Variants in GLP2R observed in about 807,000 individuals in gnomAD.
GLP2R encodes glucagon like peptide 2 receptor.
Under a neutral mutation model 68.2 loss-of-function variants are expected in GLP2R, and 59 were observed. The ratio of observed to expected loss-of-function variants is 0.87; its 90% confidence interval spans 0.70 to 1.07. The LOEUF (loss-of-function observed/expected upper bound fraction) is 1.07. Ranked by LOEUF, GLP2R falls within the 50% of genes least tolerant of loss-of-function variation. The probability of loss-of-function intolerance (pLI) is 0.00; values close to 1 mark genes in which losing one functional copy is unlikely to be tolerated. For synonymous variants in GLP2R, 270 were observed against 265.4 expected, an observed-to-expected ratio of 1.02 and a Z score of -0.17; for missense variants, 548 against 677.4, an observed-to-expected ratio of 0.81 and a Z score of 2.12.
chr17:9,880,477 T>C lies in GLP2R; in HGVS notation c.1245T>C (p.Leu415=). 6.2e-7 allele frequency: 1 copy of C among 1,606,304 alleles called. No individual in the cohort carries two copies. Among genetic ancestry groups the C allele is most frequent in the Non-Finnish European group, 8.5e-7 (1 of 1,174,896 alleles). Reference sequence around the variant, plus strand: ...ATCAAGTTGAAGGATTTGCAAAACTTATACGACTTTTCATTCAGTTGACAC... The same window carrying C: ...ATCAAGTTGAAGGATTTGCAAAACTCATACGACTTTTCATTCAGTTGACAC... ...TDDQVEGFAK[L]IRLFIQLTLS... is the part of the protein sequence containing the mutation. Residue 415 remains leucine (L), a synonymous_variant, in exon 11 of 13, where the codon CTT becomes CTC. Transcript: ENST00000262441.
At chr17:9,833,203 G>A (rs1314536122) in intron 1 of GLP2R, among the ~76,000 whole-genome samples, 1 of 151,960 alleles carries the variant, frequency 6.6e-6, no homozygotes, top group Non-Finnish European at 1.5e-5. Flanking sequence ...GGCAGAGGTT[G>A]CAGTGAGTTG....
chr17:9,861,140 C>G lies in GLP2R; in HGVS notation c.927C>G (p.Ala309=), dbSNP rs757785531. 6.2e-7 allele frequency: 1 copy of G among 1,613,416 alleles called. No homozygotes were observed. The highest frequency in any genetic ancestry group is 8.5e-7 in the Non-Finnish European group (1 of 1,179,476). ...CATTTCCCTGTGTTTTCTCCCCAGC[C>G]TTCCCTGTGCTATTTGTTGTACCCT... The part of the protein sequence containing the change: ...LWPRYLLLGW[A]FPVLFVVPWG... Residue 309 remains alanine, a splice_region_variant and synonymous_variant, in exon 8 of 13, where the codon GCC becomes GCG. Coordinates refer to ENST00000262441, the MANE Select transcript of GLP2R (RefSeq NM_004246.3).
At chr17:9,856,487 C>A (rs2066934806) in intron 5 of GLP2R, among the ~76,000 whole-genome samples, 1 of 152,174 alleles carries the variant, frequency 6.6e-6, no homozygotes, top group South Asian at 2.1e-4. Context: ...GGGAGCACAG[C>A]TTTCCTCTGG....
rs1188507736 is a variant in GLP2R, at chr17:9,890,913, G to C, written c.*1208G>C. 2.6e-5 allele frequency: 4 copies of C among 152,290 alleles called. No individual in the cohort carries two copies. The highest frequency in any genetic ancestry group is 5.9e-5 in the Non-Finnish European group (4 of 68,120). 9.4% of individuals were successfully genotyped at this position (152,290 alleles called of 1,614,324 possible). Reference sequence around the variant, plus strand: ...AGGAGGGCCCAGGCAGTTGGGGTCAGGCTCAATGACTGAAAGTATAGGGCA... The same window carrying C: ...AGGAGGGCCCAGGCAGTTGGGGTCACGCTCAATGACTGAAAGTATAGGGCA... On this transcript the variant is annotated 3_prime_UTR_variant, in exon 13 of 13. Coordinates refer to ENST00000262441, the MANE Select transcript of GLP2R (RefSeq NM_004246.3).
rs779406646 is a variant in GLP2R at position 9,826,225 on chromosome 17, T to G, written c.162T>G (p.Thr54=). ...SLWAPGRPFL[T]LVLLVSIKQV... ...GGGCCCCTGGGAGGCCCTTCCTCAC[T>G]CTGGTCCTGCTGGTTTCCATCAAGC... The change falls in exon 1 of 13, where the codon ACT becomes ACG. Residue 54 remains threonine (T), a synonymous_variant. Transcript: ENST00000262441. 3.7e-5 allele frequency: 60 copies of G among 1,608,234 alleles called. No individual in the cohort carries two copies. The Admixed American group carries it at 1.0e-3, about 27-fold the overall frequency.
intron 4 of GLP2R, among the ~76,000 whole-genome samples, chr17:9,850,047 T>C (rs1020384761): frequency 6.6e-6 from 1 of 152,240 alleles, no homozygotes; most frequent in African/African-American, 2.4e-5. Flanking sequence ...GGTGCATATA[T>C]AATTTTGTTA....
At chr17:9,849,607 C>CTTTTTTTTTT (rs57795068) in intron 4 of GLP2R, among the ~76,000 whole-genome samples, 2 of 87,118 alleles carry the variant, frequency 2.3e-5, no homozygotes, top group African/African-American at 4.6e-5. Flanking sequence ...TTTTCTCTTT[C>CTTTTTTTTTT]TTTTTTTTTT....
At chr17:9,880,148 A>T (rs1469043968) in intron 10 of GLP2R, among the ~76,000 whole-genome samples, 8 of 152,218 alleles carry the variant, frequency 5.3e-5, no homozygotes, top group Admixed American at 2.6e-4. Context: ...TTATGCATTC[A>T]TTCATTCAAT....
At chr17:9,888,765 C>A (rs1166227126) in intron 12 of GLP2R, among the ~76,000 whole-genome samples, 1 of 152,044 alleles carries the variant, frequency 6.6e-6, no homozygotes, top group African/African-American at 2.4e-5. Flanking sequence ...TGAAGCCTGG[C>A]CTATTATTGC....
At chr17:9,884,087 CAGG>C (rs1411928108) in intron 11 of GLP2R, among the ~76,000 whole-genome samples, 9 of 151,898 alleles carry the variant, frequency 5.9e-5, no homozygotes, top group African/African-American at 2.2e-4. Context: ...AAGAATATCA[CAGG>C]AGAAGAATGA....
intron 10 of GLP2R, among the ~76,000 whole-genome samples, chr17:9,876,912 A>AT (rs1469578865): frequency 2.6e-5 from 4 of 152,150 alleles, no homozygotes; most frequent in South Asian, 2.1e-4. Context: ...GTCAGATACC[A>AT]TTTTTTCTGA....
chr17:9,859,636 A>ATATATAT (rs1555571773), intron 6 of GLP2R, among the ~76,000 whole-genome samples: 2 of 143,090 alleles, frequency 1.4e-5, no homozygotes, highest in Non-Finnish European at 3.0e-5. Context: ...ACTAAAAAAA[A>ATATATAT]ATATATATAT....
At chr17:9,874,822 A>G (rs956169905) in intron 10 of GLP2R, among the ~76,000 whole-genome samples, 81 of 152,210 alleles carry the variant, frequency 5.3e-4, no homozygotes, top group Non-Finnish European at 2.2e-4. Flanking sequence ...TGGTGATCAC[A>G]TCACAAAGCA....
rs753677091 is a variant in GLP2R at position 9,854,603 on chromosome 17, T to C, written c.611+2T>C. On this transcript the variant is annotated splice_donor_variant, in intron 5 of 12. Coordinates refer to ENST00000262441, the MANE Select transcript of GLP2R (RefSeq NM_004246.3). LOFTEE classifies it high-confidence loss of function. Reference sequence around the variant, plus strand: ...TCTCACCCTCCTCTTGTTTCTTCGGTGAGTAGAACTTCTGCAGGCATGTGT... The same window carrying C: ...TCTCACCCTCCTCTTGTTTCTTCGGCGAGTAGAACTTCTGCAGGCATGTGT... 6.6e-7 allele frequency: 1 copy of C among 1,516,650 alleles called. No individual in the cohort carries two copies. The highest frequency in any genetic ancestry group is 1.4e-5 in the African/African-American group (1 of 73,160). The allele number at this position is 1,516,650 out of a possible 1,614,324, so 93.9% of individuals were successfully genotyped here.
intron 10 of GLP2R, 35 bp downstream of exon 10, chr17:9,870,870 G>A (rs1392030646): frequency 1.0e-6 from 1 of 982,294 alleles, no homozygotes; most frequent in Non-Finnish European, 1.7e-6. Flanking sequence ...AGCAGTCCAA[G>A]GTTATTGTAA....
intron 11 of GLP2R, among the ~76,000 whole-genome samples, chr17:9,883,463 T>A (rs1241393506): frequency 1.3e-5 from 2 of 152,006 alleles, no homozygotes; most frequent in Non-Finnish European, 2.9e-5. Flanking sequence ...TGGTTGAAAA[T>A]TTTCCAAATT....
chr17:9,891,074 G>A lies in GLP2R; in HGVS notation c.*1369G>A, dbSNP rs977277759. On this transcript the variant is annotated 3_prime_UTR_variant, in exon 13 of 13. Transcript: ENST00000262441. ...TTGCTATGGGACTAAATACCACCTT[G>A]TCTTCGGGGGAGTCAGTTTGATACT... 3.9e-5 allele frequency: 6 copies of A among 152,196 alleles called. No individual in the cohort carries two copies. The highest frequency in any genetic ancestry group is 1.2e-4 in the African/African-American group (5 of 41,446). The allele number at this position is 152,196 out of a possible 1,614,324, so 9.4% of individuals were successfully genotyped here.
intron 6 of GLP2R, among the ~76,000 whole-genome samples, chr17:9,858,346 GT>G (rs1268172875): frequency 6.6e-6 from 1 of 152,170 alleles, no homozygotes; most frequent in Non-Finnish European, 1.5e-5. Context: ...ATCCAACTAG[GT>G]TTTGACATAT....
At chr17:9,874,661 A>G (rs1486948636) in intron 10 of GLP2R, among the ~76,000 whole-genome samples, 1 of 152,128 alleles carries the variant, frequency 6.6e-6, no homozygotes, top group Non-Finnish European at 1.5e-5. Context: ...ACCCCAGCTG[A>G]GCTCACAATA....
Sources: allele counts gnomAD v4.1 joint callset (sites outside exome capture counted in the v4.1 genomes callset), GRCh38; gene constraint gnomAD v4.1.1; transcripts MANE v1.5; gene names NCBI Gene and HGNC (gene_info 2026-07-23, HGNC 2026-07-21).